TP73: variants seen among roughly 807,000 people sequenced by gnomAD.
The protein encoded by TP73 is tumor protein p73.
Under a neutral mutation model 62.5 loss-of-function variants are expected in TP73, and 25 were observed. That is an observed-to-expected ratio of 0.40 (90% confidence interval 0.29 to 0.56). TP73 has a LOEUF of 0.56. Among genes scored for constraint, TP73 ranks in the 20% least tolerant of loss-of-function variants. The pLI, the probability that TP73 is intolerant of heterozygous loss-of-function variation, is 0.46. For synonymous variants in TP73, 423 were observed against 377.5 expected, an observed-to-expected ratio of 1.12 and a Z score of -1.40; for missense variants, 754 against 913.3, an observed-to-expected ratio of 0.83 and a Z score of 2.25.
Position 3,717,876 on chromosome 1 carries a change from G to A in TP73, c.430-4145G>A, listed in dbSNP as rs537585529. On this transcript the variant is annotated intron_variant, in intron 4 of 13. Coordinates refer to ENST00000378295, the MANE Select transcript of TP73 (RefSeq NM_005427.4). ...GGCCCGGCTGGGCACCTGGGGTCCA[G>A]TTAGTGCCAGGGTGAGGTCTGCCAG... Among the ~76,000 whole-genome samples, 4 of 152,328 alleles carry A rather than the reference G, an allele frequency of 2.6e-5. No individual in the cohort carries two copies. In the East Asian group the frequency reaches 7.7e-4, roughly 29 times the overall value.
intron 4 of TP73, among the ~76,000 whole-genome samples, chr1:3,719,890 T>TTGTGTGTGTGTGTGTGTG (rs5772122): frequency 3.3e-4 from 43 of 132,208 alleles, no homozygotes; most frequent in African/African-American, 6.6e-4. Flanking sequence ...TTTTTTCTCT[T>TTGTGTGTGTGTGTGTGTG]TGTGTGTGTG....
intron 3 of TP73, among the ~76,000 whole-genome samples, chr1:3,687,487 C>G (rs1645690866): frequency 1.3e-5 from 2 of 152,232 alleles, no homozygotes; most frequent in Admixed American, 1.3e-4. Flanking sequence ...CCCGAGGAGT[C>G]TCTGCAGTGC....
intron 3 of TP73, among the ~76,000 whole-genome samples, chr1:3,695,037 G>C (rs1446258749): frequency 6.6e-6 from 1 of 152,208 alleles, no homozygotes; most frequent in Admixed American, 6.5e-5. Context: ...CCTTCCACAT[G>C]GGGGACTGGA....
intron 4 of TP73, among the ~76,000 whole-genome samples, chr1:3,719,620 G>C (rs1160973656): frequency 6.6e-6 from 1 of 152,256 alleles, no homozygotes; most frequent in Non-Finnish European, 1.5e-5. Flanking sequence ...CAGAGGGTCT[G>C]TGCTGCGAGC....
chr1:3,660,850 A>T (rs1316109198), intron 1 of TP73, among the ~76,000 whole-genome samples: 1 of 152,258 alleles, frequency 6.6e-6, no homozygotes, highest in Admixed American at 6.5e-5. Context: ...TTGGCTAAAG[A>T]TGTGATGACA....
chr1:3,690,635 A>C (rs1255490572), intron 3 of TP73: 6 of 1,363,034 alleles, frequency 4.4e-6, no homozygotes, highest in Middle Eastern at 2.8e-4. Context: ...ATGAATACTC[A>C]TGAGGAATAA....
chr1:3,675,490 G>T (rs1268688509), intron 1 of TP73, among the ~76,000 whole-genome samples: 1 of 152,154 alleles, frequency 6.6e-6, no homozygotes, highest in Non-Finnish European at 1.5e-5. Context: ...GTTCCTGGGG[G>T]CTTTTCCCTC....
intron 1 of TP73, chr1:3,652,882 C>G (rs1644785537): frequency 6.6e-6 from 1 of 152,312 alleles, no homozygotes; most frequent in Non-Finnish European, 1.5e-5. Context: ...GTCCTGCCCT[C>G]AGCGCCGGCC....
rs755840436 is a variant in TP73, at chr1:3,727,670, C to T, written c.885C>T (p.Cys295=). 1.7e-5 allele frequency: 27 copies of T among 1,598,316 alleles called. No individual in the cohort carries two copies. In the Admixed American group the frequency reaches 4.0e-4, roughly 24 times the overall value. Reference sequence around the variant, plus strand: ...GCCGGTCCTTTGAGGGCCGCATCTGCGCCTGTCCTGGCCGCGACCGAAAAG... The same window carrying T: ...GCCGGTCCTTTGAGGGCCGCATCTGTGCCTGTCCTGGCCGCGACCGAAAAG... ...LGRRSFEGRI[C]ACPGRDRKAD... The change falls in exon 8 of 14, where the codon TGC becomes TGT. Residue 295 remains cysteine, a synonymous_variant. Coordinates refer to ENST00000378295, the MANE Select transcript of TP73 (RefSeq NM_005427.4).
intron 1 of TP73, among the ~76,000 whole-genome samples, chr1:3,677,968 G>T (rs538419204): frequency 6.6e-6 from 1 of 152,128 alleles, no homozygotes; most frequent in East Asian, 1.9e-4. Flanking sequence ...GCCTCCTAAA[G>T]TGTTGGGATT....
intron 1 of TP73, among the ~76,000 whole-genome samples, chr1:3,667,611 G>A (rs1013864010): frequency 9.2e-5 from 14 of 152,128 alleles, no homozygotes; most frequent in East Asian, 5.8e-4. Flanking sequence ...TTAGCCAGGC[G>A]TGGTGGCACG....
rs1641730431 is a variant in TP73, at chr1:3,727,317, G to A, written c.842+93G>A. ...GCTGTCATGGAGACCTGCAGGCCAAGGCTAGCTTGGGGAAGAGACTTTGGG... is the reference window on the plus strand; with the variant it reads ...GCTGTCATGGAGACCTGCAGGCCAAAGCTAGCTTGGGGAAGAGACTTTGGG... On this transcript the variant is annotated intron_variant, in intron 7 of 13. Transcript: ENST00000378295. The A allele has an allele frequency of 6.3e-6, 8 of 1,261,950 alleles. No individual in the cohort carries two copies. In the East Asian group the frequency reaches 1.9e-4, roughly 30 times the overall value. The allele number at this position is 1,261,950 out of a possible 1,614,324, so 78.2% of individuals were successfully genotyped here. A position where few individuals can be genotyped will look rare whatever the true frequency, so the allele number is the denominator to read the frequency against.
Position 3,657,499 on chromosome 1 carries a change from A to G in TP73, c.-34+4858A>G, listed in dbSNP as rs80221899. On this transcript the variant is annotated intron_variant, in intron 1 of 13. Transcript: ENST00000378295. ...GGCATCTGCAAAGACCCTGATTCCAAATAACATCCCATTCTGAGGCTCGTT... is the reference window on the plus strand; with the variant it reads ...GGCATCTGCAAAGACCCTGATTCCAGATAACATCCCATTCTGAGGCTCGTT... Among the ~76,000 whole-genome samples, 438 of 152,316 alleles carry G rather than the reference A, an allele frequency of 2.9e-3. 1 individual carries two copies. Among genetic ancestry groups the G allele is most frequent in the African/African-American group, 0.01 (422 of 41,574 alleles).
rs373780550 is a variant in TP73 at position 3,692,731 on chromosome 1, C to A, written c.186+9551C>A. Among the ~76,000 whole-genome samples the A allele has an allele frequency of 4.5e-4, 69 of 152,162 alleles. 1 individual carries two copies. The East Asian group carries it at 9.3e-3, about 20-fold the overall frequency. On this transcript the variant is annotated intron_variant, in intron 3 of 13. Coordinates refer to ENST00000378295, the MANE Select transcript of TP73 (RefSeq NM_005427.4). The stretch of plus-strand genomic sequence containing the variant: ...GAGAAGCCTGGGGACCTGGGGGACT[C>A]TAGTACAATCTTTTCCCTTGAATGG...
chr1:3,730,775 C>A, intron 11 of TP73, 152 bp from the exon 12 acceptor site: 1 of 1,104,106 alleles, frequency 9.1e-7, no homozygotes, highest in South Asian at 1.6e-5. Context: ...AGCCCTTGCT[C>A]AAGCCTCTAG....
intron 4 of TP73, among the ~76,000 whole-genome samples, chr1:3,713,861 G>A (rs1322058480): frequency 3.3e-5 from 5 of 152,226 alleles, no homozygotes; most frequent in Admixed American, 1.3e-4. Flanking sequence ...TGCAGAGGCC[G>A]TGAGCGGAAC....
Position 3,729,931 on chromosome 1 carries a change from G to A in TP73, c.1197-69G>A, listed in dbSNP as rs187295180. The A allele has an allele frequency of 5.1e-4, 768 of 1,503,610 alleles. 1 individual carries two copies. The African/African-American group carries it at 9.0e-3, about 18-fold the overall frequency. The allele number at this position is 1,503,610 out of a possible 1,614,324, so 93.1% of individuals were successfully genotyped here. A position where few individuals can be genotyped will look rare whatever the true frequency, so the allele number is the denominator to read the frequency against. On this transcript the variant is annotated intron_variant, in intron 10 of 13. Transcript: ENST00000378295. ...CCCATTCGCAGCATGGGGGCATCAC[G>A]GGCATGGGTGGTCGGTGGGCACGAG...
rs968701611 is a variant in TP73 at position 3,734,886 on chromosome 1, C to T, written c.*1807C>T. 1.3e-5 allele frequency: 2 copies of T among 152,352 alleles called. No individual in the cohort carries two copies. The highest frequency in any genetic ancestry group is 2.9e-5 in the Non-Finnish European group (2 of 68,176). The allele number at this position is 152,352 out of a possible 1,614,324, so 9.4% of individuals were successfully genotyped here. ...GCTGCAGCCAGGGCGAGGGCCTGGC[C>T]CTTCCTTCCAGCTCCTTCCGGCTCC... On this transcript the variant is annotated 3_prime_UTR_variant, in exon 14 of 14. Transcript: ENST00000378295. The surrounding 1 kb of genome is among the most constrained non-coding windows in gnomAD (Gnocchi z 4.4).
intron 13 of TP73, 51 bp from the exon 14 acceptor site, chr1:3,732,695 CT>C (rs1386714732): frequency 9.4e-6 from 14 of 1,496,354 alleles, no homozygotes; most frequent in Middle Eastern, 2.0e-4. Context: ...GCGACCCCCC[CT>C]GCTCTCCCTG....
Sources: gnomAD v4.1 joint callset for allele counts (sites outside exome capture counted in the v4.1 genomes callset) on GRCh38, gnomAD v4.1.1 for gene constraint, Gnocchi (gnomAD v3.1) non-coding constraint, MANE v1.5 for transcripts, NCBI Gene and HGNC (gene_info 2026-07-23, HGNC 2026-07-21) for gene names.